CDH2: variants seen among roughly 807,000 people sequenced by gnomAD.
CDH2 encodes the protein cadherin 2.
In CDH2, 17 loss-of-function variants were observed where a neutral mutation model predicts 92.0. The observed-to-expected ratio is 0.18, with a 90% CI of 0.13 to 0.28. The LOEUF is 0.28. Ranked by LOEUF, CDH2 falls within the 10% of genes least tolerant of loss-of-function variation. CDH2 has a pLI of 1.00. For missense variants in CDH2, 862 were observed against 1,133.1 expected, an observed-to-expected ratio of 0.76 and a Z score of 3.44; for synonymous variants, 419 against 415.9, an observed-to-expected ratio of 1.01 and a Z score of -0.09.
Position 28,138,040 on chromosome 18 carries a change from ATG to A in CDH2, c.172+9631_172+9632del, listed in dbSNP as rs748336586. Among the ~76,000 whole-genome samples, 740 of 150,160 alleles carry A rather than the reference ATG, an allele frequency of 4.9e-3. 6 individuals carry two copies. The highest frequency in any genetic ancestry group is 0.034 in the East Asian group (176 of 5,112). ...ATTTAAAGAATGTGTGTGTGTCTGG[ATG>A]TGTGTGTGTGTGTGTGAAGGTTTTA... On this transcript the variant is annotated intron_variant, in intron 2 of 15. Coordinates refer to ENST00000269141, the MANE Select transcript of CDH2 (RefSeq NM_001792.5).
chr18:28,039,423 A>G (rs1267062569), intron 2 of CDH2, among the ~76,000 whole-genome samples: 1 of 152,166 alleles, frequency 6.6e-6, no homozygotes, highest in African/African-American at 2.4e-5. Flanking sequence ...TTTCGCATAC[A>G]GGATCATATC....
At chr18:27,934,701 A>G (rs1908978177) in intron 6 of CDH2, among the ~76,000 whole-genome samples, 2 of 131,500 alleles carry the variant, frequency 1.5e-5, no homozygotes, top group Non-Finnish European at 3.6e-5. Context: ...TTTTGGAACC[A>G]GTAATTAATT....
Position 27,993,556 on chromosome 18 carries a change from C to T in CDH2, c.1102G>A (p.Ala368Thr), listed in dbSNP as rs1230791486. Residue 368 changes from alanine (A) to threonine (T), a missense_variant, in exon 8 of 16, where the codon GCC becomes ACC. Coordinates refer to ENST00000269141, the MANE Select transcript of CDH2 (RefSeq NM_001792.5). ...TTGACATCTGTCACTGTGATGACGG[C>T]CGTGGCTGTGTTTGAAAGGCCATAT... Reference protein sequence around the residue: ...PTYGLSNTATAVITVTDVNDN... With the variant: ...PTYGLSNTATTVITVTDVNDN... The T allele has an allele frequency of 6.2e-7, 1 of 1,613,994 alleles. No homozygotes were observed. Among genetic ancestry groups the T allele is most frequent in the Non-Finnish European group, 8.5e-7 (1 of 1,179,982 alleles).
chr18:28,028,405 A>T (rs1441643858), intron 2 of CDH2, among the ~76,000 whole-genome samples: 1 of 152,164 alleles, frequency 6.6e-6, no homozygotes, highest in Non-Finnish European at 1.5e-5. Flanking sequence ...GTGATACCAC[A>T]CTAACTAAAA....
At chr18:28,148,132 T>C (rs2016066757) in intron 1 of CDH2, among the ~76,000 whole-genome samples, 1 of 152,172 alleles carries the variant, frequency 6.6e-6, no homozygotes, top group Non-Finnish European at 1.5e-5. Flanking sequence ...GCTCCACAAA[T>C]CACCATCACT....
At chr18:28,091,228 C>T (rs2015031414) in intron 2 of CDH2, among the ~76,000 whole-genome samples, 1 of 152,064 alleles carries the variant, frequency 6.6e-6, no homozygotes, top group Admixed American at 6.6e-5. Flanking sequence ...GATCACAAAC[C>T]AACTTGAGAG....
chr18:28,123,608 G>GA (rs2015627278), intron 2 of CDH2, among the ~76,000 whole-genome samples: 1 of 152,022 alleles, frequency 6.6e-6, no homozygotes, highest in African/African-American at 2.4e-5. Flanking sequence ...TGGCTCATAA[G>GA]AAAAAACCTC....
intron 1 of CDH2, among the ~76,000 whole-genome samples, chr18:28,149,059 T>C (rs2016081441): frequency 6.6e-6 from 1 of 152,190 alleles, no homozygotes; most frequent in South Asian, 2.1e-4. Context: ...GAAAGGGCTG[T>C]ATCAAGTGAA....
chr18:27,985,150 T>C lies in CDH2; in HGVS notation c.2059A>G (p.Asn687Asp), dbSNP rs199907069. 6.2e-7 allele frequency: 1 copy of C among 1,613,138 alleles called. No individual in the cohort carries two copies. The highest frequency in any genetic ancestry group is 1.1e-5 in the South Asian group (1 of 91,046). The change falls in exon 13 of 16, where the codon AAT becomes GAT. Residue 687 changes from asparagine to aspartate, a missense_variant. By Grantham distance (23) the Asn-to-Asp change is conservative (BLOSUM62 1). Around this residue, in one of 5 missense-constraint regions of CDH2, gnomAD observed 564 missense variants for 722.2 expected, o/e 0.78. Coordinates refer to ENST00000269141, the MANE Select transcript of CDH2 (RefSeq NM_001792.5). ...EVPIIITDSG[N>D]PPKSNISILR... ...ATGGAAATATTTGATTTGGGAGGAT[T>C]ACCCGAATCTGTGATTATGATGGGA... is the stretch of plus-strand genomic sequence containing the variant.
chr18:28,005,830 T>C lies in CDH2; in HGVS notation c.847+19A>G, dbSNP rs2012900855. 2.5e-6 allele frequency: 4 copies of C among 1,589,100 alleles called. No homozygotes were observed. Among genetic ancestry groups the C allele is most frequent in the Non-Finnish European group, 3.4e-6 (4 of 1,163,634 alleles). ...ATACTTTCCTCAAGTCATCTTCAAATTATTATCTTTAAACTTACCAGGCTT... is the reference window on the plus strand; with the variant it reads ...ATACTTTCCTCAAGTCATCTTCAAACTATTATCTTTAAACTTACCAGGCTT... On this transcript the variant is annotated intron_variant, in intron 6 of 15. Coordinates refer to ENST00000269141, the MANE Select transcript of CDH2 (RefSeq NM_001792.5).
At chr18:28,025,162 GAAGTGT>G (rs2013516254) in intron 2 of CDH2, among the ~76,000 whole-genome samples, 2 of 152,174 alleles carry the variant, frequency 1.3e-5, no homozygotes, top group South Asian at 4.1e-4. Flanking sequence ...ATGATCTGGG[GAAGTGT>G]TATGCAGGAG....
At chr18:28,116,682 T>A (rs192335383) in intron 2 of CDH2, among the ~76,000 whole-genome samples, 1 of 152,296 alleles carries the variant, frequency 6.6e-6, no homozygotes, top group Non-Finnish European at 1.5e-5. Context: ...CTAATGATTG[T>A]CATTTCCCTG....
intron 2 of CDH2, among the ~76,000 whole-genome samples, chr18:28,125,449 T>TA (rs1407038461): frequency 6.6e-6 from 1 of 152,172 alleles, no homozygotes; most frequent in South Asian, 2.1e-4. Flanking sequence ...CACTTTCTTT[T>TA]AAAAAAGGAA....
At chr18:28,007,873 G>A (rs1017978805) in intron 5 of CDH2, among the ~76,000 whole-genome samples, 11 of 152,114 alleles carry the variant, frequency 7.2e-5, no homozygotes, top group Non-Finnish European at 1.5e-4. Context: ...GGGATTACAG[G>A]CGTGCACCAC....
intron 2 of CDH2, among the ~76,000 whole-genome samples, chr18:28,048,266 T>C (rs1196356647): frequency 2.0e-5 from 3 of 151,652 alleles, no homozygotes; most frequent in African/African-American, 4.8e-5. Context: ...TCTAGGTTTA[T>C]TGGTAAGTTT....
Position 27,951,622 on chromosome 18 carries a change from GAA to G in CDH2, c.*529_*530del, listed in dbSNP as rs5823567. 437 of 145,152 alleles carry G rather than the reference GAA, an allele frequency of 3.0e-3. 4 individuals are homozygous for G. The highest frequency in any genetic ancestry group is 9.2e-3 in the African/African-American group (356 of 38,606). 9.0% of individuals were successfully genotyped at this position (145,152 alleles called of 1,614,324 possible). ...GCTGAGTAAGTTTTAAGATTTTAGTGAAAAAAAAAAAAACAAACTAAAGTCTA... is the reference window on the plus strand; with the variant it reads ...GCTGAGTAAGTTTTAAGATTTTAGTGAAAAAAAAAAACAAACTAAAGTCTA... On this transcript the variant is annotated 3_prime_UTR_variant, in exon 16 of 16. Coordinates refer to ENST00000269141, the MANE Select transcript of CDH2 (RefSeq NM_001792.5).
At chr18:28,005,276 C>T (rs2012882062) in intron 6 of CDH2, among the ~76,000 whole-genome samples, 1 of 152,100 alleles carries the variant, frequency 6.6e-6, no homozygotes, top group African/African-American at 2.4e-5. Context: ...GGGCATTTTC[C>T]ATTTTGCTGG....
At chr18:28,174,133 C>A (rs1233015683) in intron 1 of CDH2, among the ~76,000 whole-genome samples, 2 of 151,914 alleles carry the variant, frequency 1.3e-5, no homozygotes, top group Admixed American at 6.6e-5. Context: ...GCACAGAGTC[C>A]TTTGAATATT....
At chr18:28,046,666 T>C (rs967622559) in intron 2 of CDH2, among the ~76,000 whole-genome samples, 1 of 152,216 alleles carries the variant, frequency 6.6e-6, no homozygotes, top group Non-Finnish European at 1.5e-5. Flanking sequence ...ATAAAATCTA[T>C]GTAAGTTGTC....
Sources: gnomAD v4.1 joint callset for allele counts (sites outside exome capture counted in the v4.1 genomes callset) on GRCh38, gnomAD v4.1.1 for gene constraint, gnomAD v4.1.1 regional missense constraint, MANE v1.5 for transcripts, NCBI Gene and HGNC (gene_info 2026-07-23, HGNC 2026-07-21) for gene names.